Variants in EPB41L2 observed in about 807,000 individuals in gnomAD.
EPB41L2 encodes the protein erythrocyte membrane protein band 4.1 like 2.
In EPB41L2, 43 loss-of-function variants were observed where a neutral mutation model predicts 113.0. The observed-to-expected ratio is 0.38, with a 90% CI of 0.30 to 0.49. The LOEUF is 0.49. EPB41L2 is among the 20% of genes least tolerant of loss of function. The pLI, the probability that EPB41L2 is intolerant of heterozygous loss-of-function variation, is 0.95. For synonymous variants in EPB41L2, 442 were observed against 436.7 expected (o/e 1.01, Z -0.15); for missense variants, 1,147 against 1,223.4 (o/e 0.94, Z 0.93).
intron 1 of EPB41L2, among the ~76,000 whole-genome samples, chr6:131,030,692 A>G (rs1199549904): frequency 1.3e-5 from 2 of 152,214 alleles, no homozygotes; most frequent in Admixed American, 6.5e-5. Context: ...TTTGTAGTCA[A>G]ACATAATTAC....
At chr6:131,007,425 A>G (rs1296672663) in intron 1 of EPB41L2, among the ~76,000 whole-genome samples, 2 of 152,214 alleles carry the variant, frequency 1.3e-5, no homozygotes, top group African/African-American at 2.4e-5. Context: ...GTATCTCTTT[A>G]TAGCAGCATG....
intron 1 of EPB41L2, among the ~76,000 whole-genome samples, chr6:131,023,624 G>A (rs1790033200): frequency 6.6e-6 from 1 of 151,934 alleles, no homozygotes; most frequent in African/African-American, 2.4e-5. Context: ...GGCAGAGGTT[G>A]CAGTGAGCCA....
At position 131,006,334 on chromosome 6, in the gene EPB41L2, G is replaced by A. The variant is rs191230820; in HGVS notation, c.-14-49835C>T. Reference sequence around the variant, plus strand: ...TGCCTCCCAAAGTGCTGGGATTACAGGCATGAGCCACCGCACCCGACGAAC... The same window carrying A: ...TGCCTCCCAAAGTGCTGGGATTACAAGCATGAGCCACCGCACCCGACGAAC... On this transcript the variant is annotated intron_variant, in intron 1 of 19. Transcript: ENST00000337057. 4.0e-3 allele frequency among the ~76,000 whole-genome samples: 600 copies of A among 151,110 alleles called. 4 individuals carry two copies. Among genetic ancestry groups the A allele is most frequent in the Non-Finnish European group, 6.2e-3 (418 of 67,712 alleles).
intron 5 of EPB41L2, among the ~76,000 whole-genome samples, 170 bp downstream of exon 5, chr6:130,908,651 C>T (rs1798431050): frequency 6.6e-6 from 1 of 152,052 alleles, no homozygotes. Flanking sequence ...AGTAGGAGCA[C>T]CTGAGCCATG....
chr6:130,929,857 TCACACACACACACACA>T (rs140350248), intron 3 of EPB41L2, among the ~76,000 whole-genome samples: 9 of 123,456 alleles, frequency 7.3e-5, no homozygotes, highest in East Asian at 2.5e-4. Flanking sequence ...AGACAGACAG[TCACACACACACACACA>T]CACACACACA....
intron 4 of EPB41L2, among the ~76,000 whole-genome samples, chr6:130,909,128 A>G (rs1270189280): frequency 6.6e-6 from 1 of 152,194 alleles, no homozygotes; most frequent in African/African-American, 2.4e-5. Context: ...TGCATCTAAA[A>G]TGGTCCAAAT....
intron 1 of EPB41L2, among the ~76,000 whole-genome samples, chr6:131,040,996 G>A (rs912093618): frequency 2.0e-5 from 3 of 152,172 alleles, no homozygotes; most frequent in Admixed American, 2.0e-4. Flanking sequence ...GAATGAAAAA[G>A]GAAGGAGAAG....
intron 18 of EPB41L2, among the ~76,000 whole-genome samples, chr6:130,860,375 AC>A (rs1378818649): frequency 6.6e-6 from 1 of 152,250 alleles, no homozygotes; most frequent in African/African-American, 2.4e-5. Context: ...AAAAACTGCT[AC>A]AGTCATCTTG....
chr6:131,029,466 C>G (rs1013355427), intron 1 of EPB41L2, among the ~76,000 whole-genome samples: 3 of 148,336 alleles, frequency 2.0e-5, no homozygotes, highest in Non-Finnish European at 4.4e-5. Flanking sequence ...CTAAATAGCA[C>G]ATTAATAACT....
chr6:130,860,824 G>C lies in EPB41L2; in HGVS notation c.2911-2581C>G, dbSNP rs187266592. Among the ~76,000 whole-genome samples the C allele has an allele frequency of 1.8e-3, 266 of 151,998 alleles. 2 individuals are homozygous for C. Among genetic ancestry groups the C allele is most frequent in the African/African-American group, 6.2e-3 (257 of 41,472 alleles). On this transcript the variant is annotated intron_variant, in intron 18 of 19. Coordinates refer to ENST00000337057, the MANE Select transcript of EPB41L2 (RefSeq NM_001431.4). Reference sequence around the variant, plus strand: ...GCTGGGATTACAGGCTTGAGCCACCGCGCCCGGCTCTTACTGCCAAATTGA... The same window carrying C: ...GCTGGGATTACAGGCTTGAGCCACCCCGCCCGGCTCTTACTGCCAAATTGA...
chr6:130,901,681 C>T (rs1026564330), intron 6 of EPB41L2, among the ~76,000 whole-genome samples: 3 of 152,054 alleles, frequency 2.0e-5, no homozygotes, highest in Non-Finnish European at 4.4e-5. Context: ...TTCCATTTAC[C>T]CCATTTAAAG....
intron 3 of EPB41L2, among the ~76,000 whole-genome samples, chr6:130,943,966 A>G (rs909434662): frequency 6.6e-6 from 1 of 152,144 alleles, no homozygotes; most frequent in African/African-American, 2.4e-5. Context: ...GGGTCACACC[A>G]TAGTAACTTC....
chr6:130,951,280 GGGGAGGAGAAAAAA>G (rs1814894677), intron 3 of EPB41L2, among the ~76,000 whole-genome samples: 1 of 134,460 alleles, frequency 7.4e-6, no homozygotes, highest in Non-Finnish European at 1.6e-5. Flanking sequence ...GAGGGGGGGA[GGGGAGGAGAAAAAA>G]GATGCTCAGC....
intron 4 of EPB41L2, among the ~76,000 whole-genome samples, chr6:130,914,671 T>C (rs1310033766): frequency 3.9e-5 from 6 of 152,180 alleles, no homozygotes; most frequent in Admixed American, 3.3e-4. Context: ...ATCTTCTCAG[T>C]GTTTCCCAAA....
chr6:130,965,544 C>CA (rs1774877364), intron 1 of EPB41L2, among the ~76,000 whole-genome samples: 1 of 145,816 alleles, frequency 6.9e-6, no homozygotes, highest in Non-Finnish European at 1.5e-5. Context: ...GCCTCAACAT[C>CA]AAAAAAATAA....
chr6:130,858,025 C>T, intron 19 of EPB41L2, 106 bp downstream of exon 19: 1 of 882,530 alleles, frequency 1.1e-6, no homozygotes, highest in South Asian at 1.3e-5. Context: ...GTCAAATGTA[C>T]TATAGGAAGA....
In EPB41L2 at chr6:130,956,172, G is replaced by C. The variant is rs757499268; in HGVS notation, c.314C>G (p.Ala105Gly). 2 of 1,614,174 alleles carry C rather than the reference G, an allele frequency of 1.2e-6. No homozygotes were observed. The highest frequency in any genetic ancestry group is 1.1e-5 in the South Asian group (1 of 91,088). The change falls in exon 2 of 20, where the codon GCT becomes GGT. Residue 105 changes from alanine to glycine, a missense_variant. Ala to Gly is a moderately conservative substitution (Grantham distance 60). Coordinates refer to ENST00000337057, the MANE Select transcript of EPB41L2 (RefSeq NM_001431.4). ...DGGDKKEPTQ[A>G]VVEEQVLDKE... is the part of the protein sequence containing the mutation. ...ATCTAAGACCTGTTCTTCAACAACAGCTTGGGTAGGCTCTTTTTTATCTCC... is the reference window on the plus strand; with the variant it reads ...ATCTAAGACCTGTTCTTCAACAACACCTTGGGTAGGCTCTTTTTTATCTCC...
intron 19 of EPB41L2, among the ~76,000 whole-genome samples, chr6:130,848,811 T>TA (rs1777889478): frequency 6.6e-6 from 1 of 152,204 alleles, no homozygotes; most frequent in South Asian, 2.1e-4. Flanking sequence ...TTTACATGTT[T>TA]AAACAATTGG....
intron 1 of EPB41L2, among the ~76,000 whole-genome samples, chr6:130,974,127 T>A (rs1207435843): frequency 6.6e-6 from 1 of 151,940 alleles, no homozygotes; most frequent in African/African-American, 2.4e-5. Flanking sequence ...GTGATGGAGG[T>A]AGGAGCTTTG....
Sources: allele counts gnomAD v4.1 joint callset (sites outside exome capture counted in the v4.1 genomes callset), GRCh38; gene constraint gnomAD v4.1.1; transcripts MANE v1.5; gene names NCBI Gene and HGNC (gene_info 2026-07-23, HGNC 2026-07-21).